RBFOX1: variants seen among roughly 807,000 people sequenced by gnomAD.
The protein encoded by RBFOX1 is RNA binding fox-1 homolog 1, also known as RNA binding protein fox-1 homolog 1.
RBFOX1 carries 8 observed loss-of-function variants against 57.7 expected under a neutral mutation model. The observed-to-expected ratio is 0.14, with a 90% CI of 0.08 to 0.25. The LOEUF (loss-of-function observed/expected upper bound fraction) is 0.25, where lower values mean the gene tolerates loss of function less well. Ranked by LOEUF, RBFOX1 falls within the 10% of genes least tolerant of loss-of-function variation. RBFOX1 has a pLI of 1.00. For missense variants in RBFOX1, 611 were observed against 548.5 expected (o/e 1.11, Z -1.14); for synonymous variants, 326 against 222.4 (o/e 1.47, Z -4.15).
At chr16:5,653,629 C>T (rs1395987507) in intron 3 of RBFOX1, among the ~76,000 whole-genome samples, 1 of 152,154 alleles carries the variant, frequency 6.6e-6, no homozygotes, top group Non-Finnish European at 1.5e-5. Context: ...GACCAGAAGC[C>T]TGTTCTGCCG....
chr16:6,378,412 A>G (rs1242876149), intron 2 of RBFOX1, among the ~76,000 whole-genome samples: 2 of 152,174 alleles, frequency 1.3e-5, no homozygotes, highest in Admixed American at 6.5e-5. Context: ...GCCTGTCAGC[A>G]TGCTGGAAGC....
At chr16:5,429,865 G>C (rs1302259063) in intron 1 of RBFOX1, among the ~76,000 whole-genome samples, 1 of 152,182 alleles carries the variant, frequency 6.6e-6, no homozygotes, top group Non-Finnish European at 1.5e-5. Flanking sequence ...GTCAGTGAAT[G>C]AAACAGTCCC....
intron 4 of RBFOX1, among the ~76,000 whole-genome samples, chr16:7,166,627 TCGA>T (rs1292871309): frequency 6.6e-6 from 1 of 152,096 alleles, no homozygotes; most frequent in African/African-American, 2.4e-5. Context: ...TGGCCCTCCT[TCGA>T]CACCCCTGAG....
At chr16:5,390,332 A>C in intron 1 of RBFOX1, among the ~76,000 whole-genome samples, 1 of 146,684 alleles carries the variant, frequency 6.8e-6, no homozygotes, top group Non-Finnish European at 1.5e-5. Flanking sequence ...TGTGTCACCC[A>C]GGCTGGAGTG....
At chr16:5,310,960 T>C (rs1391833439) in intron 1 of RBFOX1, among the ~76,000 whole-genome samples, 1 of 152,180 alleles carries the variant, frequency 6.6e-6, no homozygotes, top group Non-Finnish European at 1.5e-5. Flanking sequence ...GTGTACAGTG[T>C]ACCCAGTATG....
At position 7,233,912 on chromosome 16, in the gene RBFOX1, C is replaced by G. The variant is rs143486534; in HGVS notation, c.27+181814C>G. Among the ~76,000 whole-genome samples, 1,113 of 152,322 alleles carry G rather than the reference C, an allele frequency of 7.3e-3. 21 individuals carry two copies. The highest frequency in any genetic ancestry group is 0.025 in the African/African-American group (1,045 of 41,578). On this transcript the variant is annotated intron_variant, in intron 4 of 15. Transcript: ENST00000550418. ...CCACTCAACGAGAGCTACTCTGACTCTTTGGCCAATGGACAAATTTCCATC... is the reference window on the plus strand; with the variant it reads ...CCACTCAACGAGAGCTACTCTGACTGTTTGGCCAATGGACAAATTTCCATC...
At chr16:6,179,606 G>A (rs1405890238) in intron 1 of RBFOX1, among the ~76,000 whole-genome samples, 1 of 152,108 alleles carries the variant, frequency 6.6e-6, no homozygotes, top group Non-Finnish European at 1.5e-5. Context: ...CCATCAGCAT[G>A]GATGCCTACA....
intron 2 of RBFOX1, among the ~76,000 whole-genome samples, chr16:6,356,548 A>G (rs2152857801): frequency 6.6e-6 from 1 of 152,310 alleles, no homozygotes; most frequent in African/African-American, 2.4e-5. Context: ...GATCAATTCA[A>G]AATTGGGGGA....
At chr16:7,344,960 G>T (rs2096966724) in intron 4 of RBFOX1, among the ~76,000 whole-genome samples, 1 of 151,786 alleles carries the variant, frequency 6.6e-6, no homozygotes, top group East Asian at 1.9e-4. Context: ...CTCACAGCGG[G>T]CTGTCAGGAG....
chr16:7,080,904 G>A (rs544310377), intron 4 of RBFOX1, among the ~76,000 whole-genome samples: 3 of 152,176 alleles, frequency 2.0e-5, no homozygotes, highest in Admixed American at 6.5e-5. Context: ...CTTGACGTTC[G>A]TTAGCAGTTT....
chr16:7,447,430 C>CAAAAAAAAAA (rs202234230), intron 4 of RBFOX1, among the ~76,000 whole-genome samples: 1 of 98,536 alleles, frequency 1.0e-5, no homozygotes, highest in African/African-American at 3.8e-5. Context: ...GAGTCTATCT[C>CAAAAAAAAAA]AAAAAAAAAA....
chr16:5,291,851 G>T lies in RBFOX1; in HGVS notation c.219+51746G>T, dbSNP rs374240191. ...TGGTCACTGAATGTGGGTTGGGTTGGCTGGAGGGAAGGTAAGAAAGAATGA... is the reference window on the plus strand; with the variant it reads ...TGGTCACTGAATGTGGGTTGGGTTGTCTGGAGGGAAGGTAAGAAAGAATGA... On this transcript the variant is annotated intron_variant, in intron 1 of 2. Coordinates refer to the RBFOX1 transcript ENST00000585867. Among the ~76,000 whole-genome samples, 6 of 152,162 alleles carry T rather than the reference G, an allele frequency of 3.9e-5. No homozygotes were observed. In the East Asian group the frequency reaches 5.8e-4, roughly 15 times the overall value.
chr16:6,823,046 T>C (rs866512334), intron 3 of RBFOX1, among the ~76,000 whole-genome samples: 6 of 152,164 alleles, frequency 3.9e-5, no homozygotes, highest in South Asian at 2.1e-4. Context: ...ATGTTTGTTA[T>C]TGGCATGTGT....
At chr16:6,977,563 C>T (rs572159779) in intron 3 of RBFOX1, among the ~76,000 whole-genome samples, 6 of 152,180 alleles carry the variant, frequency 3.9e-5, no homozygotes, top group Middle Eastern at 3.4e-3. Flanking sequence ...GACAATTGGA[C>T]ACACGTCTGT....
At chr16:7,269,571 T>A (rs577985711) in intron 4 of RBFOX1, among the ~76,000 whole-genome samples, 34 of 152,268 alleles carry the variant, frequency 2.2e-4, no homozygotes, top group African/African-American at 7.7e-4. Context: ...AATGTGAACA[T>A]TTTACCATGC....
intron 2 of RBFOX1, among the ~76,000 whole-genome samples, chr16:5,476,131 G>A (rs898329974): frequency 1.3e-5 from 2 of 152,082 alleles, no homozygotes; most frequent in African/African-American, 2.4e-5. Context: ...CACCACTCAC[G>A]TTTTAATGCA....
intron 14 of RBFOX1, among the ~76,000 whole-genome samples, chr16:7,680,127 CT>C (rs1382423329): frequency 6.6e-6 from 1 of 152,118 alleles, no homozygotes; most frequent in Non-Finnish European, 1.5e-5. Flanking sequence ...GTGATACGTT[CT>C]GGATTGGACA....
At chr16:5,669,323 A>C (rs186697853) in intron 3 of RBFOX1, among the ~76,000 whole-genome samples, 4 of 151,746 alleles carry the variant, frequency 2.6e-5, no homozygotes, top group Admixed American at 2.0e-4. Context: ...GAGGGAGCCA[A>C]GTTTCTGCAA....
At chr16:5,270,864 T>G (rs2151122196) in intron 1 of RBFOX1, 1 of 414,376 alleles carries the variant, frequency 2.4e-6, no homozygotes, top group African/African-American at 2.1e-5. Context: ...ATGGTGAAGG[T>G]AGTAGTTCTG....
Sources: allele counts gnomAD v4.1 joint callset (sites outside exome capture counted in the v4.1 genomes callset), GRCh38; gene constraint gnomAD v4.1.1; transcripts MANE v1.5; gene names NCBI Gene and HGNC (gene_info 2026-07-23, HGNC 2026-07-21).